Variants in BRINP3 observed in about 807,000 individuals in gnomAD.
BRINP3 encodes the protein BMP/retinoic acid-inducible neural-specific protein 3.
In BRINP3, 19 loss-of-function variants were observed where a neutral mutation model predicts 71.0. The ratio of observed to expected loss-of-function variants is 0.27; its 90% CI spans 0.19 to 0.39. The LOEUF (loss-of-function observed/expected upper bound fraction) is 0.39, where lower values mean the gene tolerates loss of function less well. BRINP3 is among the 10% of genes least tolerant of loss of function. The pLI, the probability that BRINP3 is intolerant of heterozygous loss-of-function variation, is 1.00. For synonymous variants in BRINP3, 380 were observed against 337.7 expected (o/e 1.13, Z -1.37); for missense variants, 959 against 940.8 (o/e 1.02, Z -0.25).
At chr1:190,407,618 C>T (rs956324215) in intron 2 of BRINP3, among the ~76,000 whole-genome samples, 23 of 151,980 alleles carry the variant, frequency 1.5e-4, no homozygotes, top group East Asian at 9.6e-4. Flanking sequence ...AACATGTAAA[C>T]CCTAATTTAT....
intron 5 of BRINP3, 142 bp from the exon 6 acceptor site, chr1:190,226,460 A>G: frequency 1.0e-5 from 5 of 490,468 alleles, no homozygotes; most frequent in Non-Finnish European, 1.8e-5. Context: ...TCAGAAAAAT[A>G]TCTAAGTCTA....
chr1:190,355,975 C>A (rs1244381218), intron 2 of BRINP3, among the ~76,000 whole-genome samples: 1 of 151,846 alleles, frequency 6.6e-6, no homozygotes, highest in African/African-American at 2.4e-5. Flanking sequence ...TATGCATATG[C>A]CTATGTCCCA....
chr1:190,427,774 C>A (rs1673816822), intron 2 of BRINP3, among the ~76,000 whole-genome samples: 1 of 151,394 alleles, frequency 6.6e-6, no homozygotes, highest in Non-Finnish European at 1.5e-5. Context: ...GGTACAGGTG[C>A]CAGTTTCTTA....
At chr1:190,159,486 C>T (rs781018967) in intron 7 of BRINP3, among the ~76,000 whole-genome samples, 6 of 152,052 alleles carry the variant, frequency 3.9e-5, no homozygotes, top group South Asian at 2.1e-4. Flanking sequence ...AAGTGATGAA[C>T]GAATAAACAA....
chr1:190,300,993 C>T (rs1664641938), intron 2 of BRINP3, among the ~76,000 whole-genome samples: 1 of 151,592 alleles, frequency 6.6e-6, no homozygotes, highest in African/African-American at 2.4e-5. Context: ...TACGGGAGGA[C>T]ATTCAAAGCA....
chr1:190,241,004 G>A (rs911562281), intron 4 of BRINP3, among the ~76,000 whole-genome samples: 1 of 151,236 alleles, frequency 6.6e-6, no homozygotes. Flanking sequence ...AAATTGCAGG[G>A]CAATAATTTA....
At chr1:190,473,176 A>G (rs897554750) in intron 1 of BRINP3, among the ~76,000 whole-genome samples, 1 of 151,970 alleles carries the variant, frequency 6.6e-6, no homozygotes, top group Non-Finnish European at 1.5e-5. Context: ...ACAAACATAT[A>G]TACACAATGA....
intron 2 of BRINP3, among the ~76,000 whole-genome samples, chr1:190,448,352 TATTTAAG>T (rs1021359448): frequency 1.3e-5 from 2 of 151,744 alleles, no homozygotes; most frequent in Non-Finnish European, 3.0e-5. Flanking sequence ...TGCATGACCG[TATTTAAG>T]ATGTATGTTA....
At position 190,349,206 on chromosome 1, in the gene BRINP3, T is replaced by C. The variant is rs146749046; in HGVS notation, c.237-67456A>G. The stretch of plus-strand genomic sequence containing the variant: ...AGTCTAGAGCTTAGTTTGGGGCTGA[T>C]TCAAATTCCTCAATTTTTAAAGAAC... On this transcript the variant is annotated intron_variant, in intron 2 of 7. Coordinates refer to ENST00000367462, the MANE Select transcript of BRINP3 (RefSeq NM_199051.3). Among the ~76,000 whole-genome samples the C allele has an allele frequency of 5.6e-3, 854 of 152,182 alleles. 10 individuals are homozygous for C. Among genetic ancestry groups the C allele is most frequent in the African/African-American group, 0.019 (803 of 41,560 alleles).
chr1:190,287,675 C>T (rs2102955595), intron 2 of BRINP3, among the ~76,000 whole-genome samples: 1 of 152,162 alleles, frequency 6.6e-6, no homozygotes, highest in South Asian at 2.1e-4. Context: ...AGACAATTGG[C>T]ATGACTGCAA....
intron 7 of BRINP3, among the ~76,000 whole-genome samples, chr1:190,100,861 GTGCTGGGAACTTGATTGTTAA>G (rs1178449434): frequency 6.6e-6 from 1 of 152,186 alleles, no homozygotes; most frequent in Non-Finnish European, 1.5e-5. Context: ...CAAAGTTCAT[GTGCTGGGAACTTGATTGTTAA>G]TGCAGTGATA....
At chr1:190,317,769 A>G (rs2103041973) in intron 2 of BRINP3, among the ~76,000 whole-genome samples, 1 of 152,220 alleles carries the variant, frequency 6.6e-6, no homozygotes, top group African/African-American at 2.4e-5. Context: ...TTGAACTCAC[A>G]CTTATGCTGT....
intron 2 of BRINP3, among the ~76,000 whole-genome samples, chr1:190,356,458 A>C (rs1668736612): frequency 6.6e-6 from 1 of 151,988 alleles, no homozygotes; most frequent in Non-Finnish European, 1.5e-5. Flanking sequence ...GTACATCCCA[A>C]ACGTATTAAT....
chr1:190,429,327 A>C (rs573178565), intron 2 of BRINP3, among the ~76,000 whole-genome samples: 1 of 152,290 alleles, frequency 6.6e-6, no homozygotes, highest in East Asian at 1.9e-4. Flanking sequence ...TTTTTAATAA[A>C]TTGTGGTTTT....
At chr1:190,362,121 C>T (rs1304471117) in intron 2 of BRINP3, 2 of 152,178 alleles carry the variant, frequency 1.3e-5, no homozygotes, top group Non-Finnish European at 2.9e-5. Flanking sequence ...GAAGCATCAC[C>T]AGAAACTGAC....
At chr1:190,378,131 T>C (rs1424626745) in intron 2 of BRINP3, among the ~76,000 whole-genome samples, 1 of 152,106 alleles carries the variant, frequency 6.6e-6, no homozygotes, top group Non-Finnish European at 1.5e-5. Flanking sequence ...TACTTCAAAG[T>C]TAAACCAAAC....
chr1:190,192,881 C>T (rs557363059), intron 6 of BRINP3, among the ~76,000 whole-genome samples: 2 of 152,114 alleles, frequency 1.3e-5, no homozygotes. Context: ...TGGAAATATT[C>T]GGGGTAATAA....
chr1:190,227,045 G>T (rs1044881955), intron 5 of BRINP3, among the ~76,000 whole-genome samples: 4 of 151,810 alleles, frequency 2.6e-5, no homozygotes, highest in Non-Finnish European at 4.4e-5. Context: ...TCAGGGTGTA[G>T]CATTTATTAC....
At chr1:190,360,557 A>C (rs1387240279) in intron 2 of BRINP3, among the ~76,000 whole-genome samples, 1 of 152,210 alleles carries the variant, frequency 6.6e-6, no homozygotes, top group East Asian at 1.9e-4. Context: ...TTTTCTGAAT[A>C]ATTCAAATTG....
Sources: gnomAD v4.1 joint callset for allele counts (sites outside exome capture counted in the v4.1 genomes callset) on GRCh38, gnomAD v4.1.1 for gene constraint, MANE v1.5 for transcripts, NCBI Gene and HGNC (gene_info 2026-07-23, HGNC 2026-07-21) for gene names.